The following CLMP variants were observed in gnomAD, a reference collection of about 807,000 sequenced individuals.
CLMP encodes CXADR like cell adhesion molecule, also known as CXADR-like membrane protein.
A neutral mutation model predicts 45.2 loss-of-function variants in CLMP; 27 were observed. The ratio of observed to expected loss-of-function variants is 0.60; its 90% CI spans 0.44 to 0.82. CLMP has a LOEUF of 0.82. Among genes scored for constraint, CLMP ranks in the 40% least tolerant of loss-of-function variants. CLMP has a pLI of 0.00. For missense variants in CLMP, 403 were observed against 448.4 expected (o/e 0.90, Z 0.91); for synonymous variants, 167 against 171.4 (o/e 0.97, Z 0.20).
Position 123,145,397 on chromosome 11 carries a change from G to A in CLMP, c.29-47445C>T, listed in dbSNP as rs145255210. ...AAGTAAGAGGACACTCCTTTTACTT[G>A]CACGTCACAGACTTTGTCAGCGTGT... On this transcript the variant is annotated intron_variant, in intron 1 of 6. Coordinates refer to ENST00000448775, the MANE Select transcript of CLMP (RefSeq NM_024769.5). Among the ~76,000 whole-genome samples the A allele has an allele frequency of 4.2e-4, 64 of 150,992 alleles. No homozygotes were observed. The East Asian group carries it at 8.2e-3, about 19-fold the overall frequency.
intron 1 of CLMP, among the ~76,000 whole-genome samples, chr11:123,149,152 C>G (rs1411897770): frequency 6.6e-6 from 1 of 152,152 alleles, no homozygotes; most frequent in African/African-American, 2.4e-5. Context: ...AAATTACATG[C>G]CACGTGTTCA....
At chr11:123,139,611 G>A (rs1429412426) in intron 1 of CLMP, among the ~76,000 whole-genome samples, 2 of 152,152 alleles carry the variant, frequency 1.3e-5, no homozygotes. Context: ...TGGATCACAA[G>A]GTCAGGAGTT....
intron 1 of CLMP, among the ~76,000 whole-genome samples, chr11:123,122,908 C>T (rs577690591): frequency 2.0e-5 from 3 of 152,190 alleles, no homozygotes; most frequent in South Asian, 2.1e-4. Context: ...TCAAGGCTTT[C>T]GGAACAAATT....
At chr11:123,085,769 G>GTTTTTTTTT (rs200240564) in intron 2 of CLMP, among the ~76,000 whole-genome samples, 2 of 134,210 alleles carry the variant, frequency 1.5e-5, no homozygotes, top group African/African-American at 2.7e-5. Flanking sequence ...AATTTTTTAT[G>GTTTTTTTTT]TTTTTTTTTT....
chr11:123,183,779 G>A (rs556000563), intron 1 of CLMP, among the ~76,000 whole-genome samples: 2 of 152,248 alleles, frequency 1.3e-5, no homozygotes, highest in East Asian at 1.9e-4. Context: ...CTGCCCACCC[G>A]ATGTGCTGGG....
chr11:123,152,310 T>G (rs935456202), intron 1 of CLMP, among the ~76,000 whole-genome samples: 1 of 151,730 alleles, frequency 6.6e-6, no homozygotes, highest in African/African-American at 2.4e-5. Context: ...GATCACGAGG[T>G]CAAGAGACCA....
intron 1 of CLMP, among the ~76,000 whole-genome samples, chr11:123,178,837 C>A (rs907440718): frequency 2.6e-5 from 4 of 152,188 alleles, no homozygotes; most frequent in Non-Finnish European, 4.4e-5. Flanking sequence ...TCCTCTGAGC[C>A]TCAGTTTACG....
chr11:123,129,630 A>G (rs893504666), intron 1 of CLMP, among the ~76,000 whole-genome samples: 4 of 141,562 alleles, frequency 2.8e-5, no homozygotes, highest in Non-Finnish European at 4.5e-5. Flanking sequence ...ATAATATAAT[A>G]TATATTATAT....
intron 1 of CLMP, among the ~76,000 whole-genome samples, chr11:123,153,166 TC>T (rs1861364441): frequency 6.6e-6 from 1 of 151,786 alleles, no homozygotes. Context: ...GGTTTCCGGG[TC>T]TGTGTTGCAG....
chr11:123,193,208 G>A (rs1276024533), intron 1 of CLMP: 1 of 152,240 alleles, frequency 6.6e-6, no homozygotes. Flanking sequence ...AATTATGAGT[G>A]TGTGGCCTTG....
intron 1 of CLMP, among the ~76,000 whole-genome samples, chr11:123,122,986 A>G (rs1860838589): frequency 1.3e-5 from 2 of 152,278 alleles, no homozygotes; most frequent in African/African-American, 2.4e-5. Flanking sequence ...GCTCTGCTCA[A>G]AATAACTCGT....
chr11:123,070,855 A>C lies in CLMP; in HGVS notation c.*2619T>G, dbSNP rs887439999. ...AACCCATAGCAGACATTTATATGTTAATTCCTCAATGTCTCATTTCCCACC... is the reference window on the plus strand; with the variant it reads ...AACCCATAGCAGACATTTATATGTTCATTCCTCAATGTCTCATTTCCCACC... On this transcript the variant is annotated 3_prime_UTR_variant, in exon 7 of 7. Transcript: ENST00000448775. The C allele has an allele frequency of 6.6e-6, 1 of 152,206 alleles. No individual in the cohort carries two copies. The highest frequency in any genetic ancestry group is 2.4e-5 in the African/African-American group (1 of 41,454). 9.4% of individuals were successfully genotyped at this position (152,206 alleles called of 1,614,324 possible).
At chr11:123,089,792 AAGAAAAAG>A (rs1340293470) in intron 2 of CLMP, among the ~76,000 whole-genome samples, 2,389 of 106,740 alleles carry the variant, frequency 0.022, 89 homozygotes, top group East Asian at 0.17. Context: ...AAAAAAAAAA[AAGAAAAAG>A]AAAAAGAAAC....
At chr11:123,181,756 C>A (rs557649915) in intron 1 of CLMP, among the ~76,000 whole-genome samples, 1 of 152,272 alleles carries the variant, frequency 6.6e-6, no homozygotes, top group African/African-American at 2.4e-5. Flanking sequence ...GTTATAAAAC[C>A]AAACCTAGGT....
At chr11:123,150,675 AAT>A (rs1161922396) in intron 1 of CLMP, among the ~76,000 whole-genome samples, 2 of 152,096 alleles carry the variant, frequency 1.3e-5, no homozygotes, top group Non-Finnish European at 2.9e-5. Flanking sequence ...TAGGAGGTAG[AAT>A]ACCATCCCAC....
chr11:123,137,765 C>T (rs1861099399), intron 1 of CLMP, among the ~76,000 whole-genome samples: 1 of 152,160 alleles, frequency 6.6e-6, no homozygotes, highest in Admixed American at 6.5e-5. Flanking sequence ...CGCCCCGAAG[C>T]TGCTGGCCTT....
chr11:123,118,965 CTT>C (rs759583682), intron 1 of CLMP, among the ~76,000 whole-genome samples: 9 of 41,068 alleles, frequency 2.2e-4, no homozygotes, highest in African/African-American at 5.9e-4. Context: ...TTCTTTCTTT[CTT>C]TCTTTCTTTC....
intron 2 of CLMP, among the ~76,000 whole-genome samples, chr11:123,090,754 C>T (rs556387946): frequency 3.3e-5 from 5 of 152,046 alleles, no homozygotes; most frequent in East Asian, 1.9e-4. Flanking sequence ...GAGCTGGGTC[C>T]GGTTGCATTT....
intron 1 of CLMP, 147 bp from the exon 2 acceptor site, chr11:123,098,099 G>C: frequency 3.9e-6 from 2 of 516,090 alleles, no homozygotes; most frequent in South Asian, 5.6e-5. Context: ...TGTACTAGAA[G>C]TCCTGGTCTC....
Sources: allele counts gnomAD v4.1 joint callset (sites outside exome capture counted in the v4.1 genomes callset), GRCh38; gene constraint gnomAD v4.1.1; transcripts MANE v1.5; gene names NCBI Gene and HGNC (gene_info 2026-07-23, HGNC 2026-07-21).